The following ZC3H12C variants were observed in gnomAD, a reference collection of about 807,000 sequenced individuals.
The protein encoded by ZC3H12C is probable ribonuclease ZC3H12C.
Under a neutral mutation model 76.3 loss-of-function variants are expected in ZC3H12C, and 20 were observed. The observed-to-expected ratio is 0.26, with a 90% CI of 0.18 to 0.38. The LOEUF (loss-of-function observed/expected upper bound fraction) is 0.38, where lower values mean the gene tolerates loss of function less well. Among genes scored for constraint, ZC3H12C ranks in the 10% least tolerant of loss-of-function variants. ZC3H12C has a pLI of 1.00. For missense variants in ZC3H12C, 874 were observed against 1,086.5 expected, an observed-to-expected ratio of 0.80 and a Z score of 2.75; for synonymous variants, 352 against 399.6, an observed-to-expected ratio of 0.88 and a Z score of 1.42.
Position 110,121,280 on chromosome 11 carries a change from T to C in ZC3H12C, c.22-15383T>C, listed in dbSNP as rs536310558. 2.0e-4 allele frequency among the ~76,000 whole-genome samples: 31 copies of C among 152,310 alleles called. No homozygotes were observed. The South Asian group carries it at 3.7e-3, about 18-fold the overall frequency. On this transcript the variant is annotated intron_variant, in intron 1 of 5. Transcript: ENST00000278590. ...GGAAGGCTATTATTGATTTAGCACA[T>C]TTGTATTCACCTGCTGTGTGCCGGG...
chr11:110,119,245 C>T (rs1249586429), intron 1 of ZC3H12C, among the ~76,000 whole-genome samples: 2 of 152,152 alleles, frequency 1.3e-5, no homozygotes, highest in Non-Finnish European at 2.9e-5. Flanking sequence ...TCTCAAAACC[C>T]TTCAGCAGTT....
chr11:110,154,176 A>G lies in ZC3H12C; in HGVS notation c.913+1118A>G, dbSNP rs866237438. On this transcript the variant is annotated intron_variant, in intron 3 of 5. Coordinates refer to ENST00000278590, the MANE Select transcript of ZC3H12C (RefSeq NM_033390.2). ...CACTTGAGCTCAGTAATTCAAGACC[A>G]GCCTGGGCAACATGGTGAAACTCTG... is the stretch of plus-strand genomic sequence containing the variant. Among the ~76,000 whole-genome samples, 3 of 152,200 alleles carry G rather than the reference A, an allele frequency of 2.0e-5. No individual in the cohort carries two copies. In the South Asian group the frequency reaches 6.2e-4, roughly 32 times the overall value.
intron 3 of ZC3H12C, 101 bp downstream of exon 3, chr11:110,153,159 C>T (rs1265065570): frequency 2.9e-5 from 40 of 1,385,868 alleles, no homozygotes; most frequent in Middle Eastern, 3.7e-4. Context: ...ACTTGCTCAG[C>T]GCAGGCAGTG....
chr11:110,136,841 G>C lies in ZC3H12C; in HGVS notation c.200G>C (p.Ser67Thr). 1 of 1,613,878 alleles carries C rather than the reference G, an allele frequency of 6.2e-7. No individual in the cohort carries two copies. The highest frequency in any genetic ancestry group is 8.5e-7 in the Non-Finnish European group (1 of 1,179,868). The change falls in exon 2 of 6, where the codon AGT becomes ACT. Residue 67 changes from serine to threonine, a missense_variant. By Grantham distance (58) the Ser-to-Thr change is moderately conservative. Around this residue, in one of 3 missense-constraint regions of ZC3H12C, gnomAD observed 210 missense variants for 227.1 expected, o/e 0.92. Transcript: ENST00000278590. ...CCTTGGTCAACAGTAGAAAACCCAA[G>C]TATGGATACCGTTAATGTGGGGAAG... ...AVPWSTVENP[S>T]MDTVNVGKDE...
intron 2 of ZC3H12C, among the ~76,000 whole-genome samples, chr11:110,137,796 T>C (rs888537391): frequency 2.6e-5 from 4 of 152,236 alleles, no homozygotes; most frequent in African/African-American, 9.6e-5. Context: ...GGAAGTTAAA[T>C]AACCCTAATT....
At chr11:110,111,772 G>A (rs1861434790) in intron 1 of ZC3H12C, among the ~76,000 whole-genome samples, 1 of 150,264 alleles carries the variant, frequency 6.7e-6, no homozygotes, top group African/African-American at 2.5e-5. Context: ...CAAATTCCTG[G>A]GCTCAAGCCA....
At chr11:110,115,463 T>G (rs1861508983) in intron 1 of ZC3H12C, among the ~76,000 whole-genome samples, 2 of 151,754 alleles carry the variant, frequency 1.3e-5, no homozygotes, top group African/African-American at 4.8e-5. Context: ...TCACCACACT[T>G]GGGTAAGTTT....
chr11:110,137,210 C>T lies in ZC3H12C; in HGVS notation c.569C>T (p.Ala190Val), dbSNP rs1861981467. Reference sequence around the variant, plus strand: ...GTACTAAACAAACTTGGTACTGATGCTTTAATCAATGATATTTTGGGAGAA... The same window carrying T: ...GTACTAAACAAACTTGGTACTGATGTTTTAATCAATGATATTTTGGGAGAA... ...QLVLNKLGTD[A>V]LINDILGELV... Residue 190 changes from alanine to valine, a missense_variant, in exon 2 of 6, where the codon GCT becomes GTT. Transcript: ENST00000278590. 6.2e-6 allele frequency: 10 copies of T among 1,613,872 alleles called. No homozygotes were observed. The highest frequency in any genetic ancestry group is 8.5e-6 in the Non-Finnish European group (10 of 1,179,842).
intron 3 of ZC3H12C, among the ~76,000 whole-genome samples, chr11:110,153,560 T>C (rs1437248189): frequency 6.6e-6 from 1 of 152,156 alleles, no homozygotes; most frequent in African/African-American, 2.4e-5. Flanking sequence ...CAGCTTTTTT[T>C]TTTTCTTTAC....
chr11:110,128,400 C>A (rs1210255338), intron 1 of ZC3H12C, among the ~76,000 whole-genome samples: 1 of 152,130 alleles, frequency 6.6e-6, no homozygotes, highest in African/African-American at 2.4e-5. Context: ...TGCAAAAAAG[C>A]TTAATCCAGT....
intron 1 of ZC3H12C, 81 bp from the exon 2 acceptor site, chr11:110,136,582 G>A: frequency 6.9e-7 from 1 of 1,452,098 alleles, no homozygotes. Flanking sequence ...GAGTAGTTGA[G>A]TAATTCTCTT....
At chr11:110,116,199 A>G (rs915295473) in intron 1 of ZC3H12C, among the ~76,000 whole-genome samples, 1 of 152,150 alleles carries the variant, frequency 6.6e-6, no homozygotes, top group Non-Finnish European at 1.5e-5. Context: ...TAAATCACTC[A>G]TTTCCAAGCG....
At chr11:110,126,718 A>C (rs983545850) in intron 1 of ZC3H12C, among the ~76,000 whole-genome samples, 1 of 152,064 alleles carries the variant, frequency 6.6e-6, no homozygotes, top group Admixed American at 6.5e-5. Context: ...AACTTTTTTC[A>C]TTTGCACTGC....
chr11:110,128,889 C>CAAAAAAAAAA (rs145436449), intron 1 of ZC3H12C, among the ~76,000 whole-genome samples: 2 of 94,154 alleles, frequency 2.1e-5, no homozygotes, highest in Non-Finnish European at 4.5e-5. Context: ...CCACCACTAA[C>CAAAAAAAAAA]AAAAAAAAAA....
intron 4 of ZC3H12C, among the ~76,000 whole-genome samples, chr11:110,161,893 G>A (rs1410950015): frequency 6.6e-6 from 1 of 152,190 alleles, no homozygotes; most frequent in Non-Finnish European, 1.5e-5. Flanking sequence ...CACTTTGGGA[G>A]GCCAAGGCAG....
At chr11:110,141,898 T>C (rs1469560608) in intron 2 of ZC3H12C, among the ~76,000 whole-genome samples, 1 of 152,230 alleles carries the variant, frequency 6.6e-6, no homozygotes, top group African/African-American at 2.4e-5. Context: ...TTTTTTAATA[T>C]GGTATGCCAG....
chr11:110,144,136 T>C (rs769056170), intron 2 of ZC3H12C, among the ~76,000 whole-genome samples: 2 of 152,230 alleles, frequency 1.3e-5, no homozygotes, highest in Non-Finnish European at 2.9e-5. Flanking sequence ...TTTAGTGATC[T>C]CTACACATCA....
chr11:110,113,515 C>A (rs1231384332), intron 1 of ZC3H12C, among the ~76,000 whole-genome samples: 2 of 152,172 alleles, frequency 1.3e-5, no homozygotes, highest in Non-Finnish European at 2.9e-5. Context: ...TAATTGGCTT[C>A]TTTTGCAATT....
At position 110,117,981 on chromosome 11, in the gene ZC3H12C, T is replaced by A. The variant is rs960357862; in HGVS notation, c.22-18682T>A. ...CACATATATACACACACATATATAT[T>A]ATATATATACACACATATATATTAT... On this transcript the variant is annotated intron_variant, in intron 1 of 5. Transcript: ENST00000278590. Among the ~76,000 whole-genome samples, 3 of 106,814 alleles carry A rather than the reference T, an allele frequency of 2.8e-5. 1 individual carries two copies. In the South Asian group the frequency reaches 7.6e-4, roughly 27 times the overall value. 70.1% of individuals were successfully genotyped at this position (106,814 alleles called of 152,430 possible). A position where few individuals can be genotyped will look rare whatever the true frequency, so the allele number is the denominator to read the frequency against.
Sources: gnomAD v4.1 joint callset for allele counts (sites outside exome capture counted in the v4.1 genomes callset) on GRCh38, gnomAD v4.1.1 for gene constraint, gnomAD v4.1.1 regional missense constraint, MANE v1.5 for transcripts, NCBI Gene and HGNC (gene_info 2026-07-23, HGNC 2026-07-21) for gene names.